ALG2: variants seen among roughly 807,000 people sequenced by gnomAD.
The protein encoded by ALG2 is ALG2 alpha-1,3/1,6-mannosyltransferase, also known as alpha-1,3/1,6-mannosyltransferase ALG2.
In ALG2, 32 loss-of-function variants were observed where a neutral mutation model predicts 30.5. The ratio of observed to expected loss-of-function variants is 1.05; its 90% CI spans 0.79 to 1.41. The LOEUF is 1.41. Among genes scored for constraint, ALG2 ranks in the 40% most tolerant of loss-of-function variants. The probability of loss-of-function intolerance (pLI) is 0.00; values close to 1 mark genes in which losing one functional copy is unlikely to be tolerated. For missense variants in ALG2, 574 were observed against 526.4 expected (o/e 1.09, Z -0.88); for synonymous variants, 253 against 224.8 (o/e 1.13, Z -1.12).
Position 99,218,412 on chromosome 9 carries a change from T to C in ALG2, c.773A>G (p.Asp258Gly), listed in dbSNP as rs763261820. ...VQLRGRLTSQ[D>G]WERVHLIVAG... ...CACGATCAGATGAACCCTCTCCCAA[T>C]CTTGGGATGTCAATCTTCCACGCAG... The change falls in exon 2 of 2, where the codon GAT becomes GGT. Residue 258 changes from aspartate to glycine, a missense_variant. By Grantham distance (94) the Asp-to-Gly change is moderately conservative (BLOSUM62 -1). Coordinates refer to ENST00000476832, the MANE Select transcript of ALG2 (RefSeq NM_033087.4). The C allele has an allele frequency of 6.2e-6, 10 of 1,614,216 alleles. No individual in the cohort carries two copies. In the East Asian group the frequency reaches 2.2e-4, roughly 36 times the overall value.
Position 99,216,856 on chromosome 9 carries a change from G to C in ALG2, c.*1078C>G, listed in dbSNP as rs1449629079. ...CTCTCAAGTCTAGCTCTTAAGAGTT[G>C]ATAAATGTGGAGCCTTTGGCTAGTA... On this transcript the variant is annotated 3_prime_UTR_variant, in exon 2 of 2. Transcript: ENST00000476832. 2 of 454,124 alleles carry C rather than the reference G, an allele frequency of 4.4e-6. No individual in the cohort carries two copies. Among genetic ancestry groups the C allele is most frequent in the East Asian group, 1.4e-4 (2 of 14,394 alleles). 28.1% of individuals were successfully genotyped at this position (454,124 alleles called of 1,614,324 possible).
chr9:99,216,562 G>A lies in ALG2; in HGVS notation c.*1372C>T, dbSNP rs1192725157. 2.2e-6 allele frequency: 1 copy of A among 454,074 alleles called. No individual in the cohort carries two copies. The highest frequency in any genetic ancestry group is 2.3e-5 in the Admixed American group (1 of 42,580). The allele number at this position is 454,074 out of a possible 1,614,324, so 28.1% of individuals were successfully genotyped here. A position where few individuals can be genotyped will look rare whatever the true frequency, so the allele number is the denominator to read the frequency against. The stretch of plus-strand genomic sequence containing the variant: ...AGATGCACATGATAAACTGTAAAAT[G>A]GAATTTCACCCATTGAAGAGCCCCA... On this transcript the variant is annotated 3_prime_UTR_variant, in exon 2 of 2. Coordinates refer to ENST00000476832, the MANE Select transcript of ALG2 (RefSeq NM_033087.4).
rs1313981761 is a variant in ALG2, at chr9:99,216,897, G to A, written c.*1037C>T. 8.8e-6 allele frequency: 4 copies of A among 453,956 alleles called. No homozygotes were observed. Among genetic ancestry groups the A allele is most frequent in the Admixed American group, 7.0e-5 (3 of 42,558 alleles). The allele number at this position is 453,956 out of a possible 1,614,324, so 28.1% of individuals were successfully genotyped here. A position where few individuals can be genotyped will look rare whatever the true frequency, so the allele number is the denominator to read the frequency against. On this transcript the variant is annotated 3_prime_UTR_variant, in exon 2 of 2. Coordinates refer to ENST00000476832, the MANE Select transcript of ALG2 (RefSeq NM_033087.4). Reference sequence around the variant, plus strand: ...TTGGCTAGTAAGCTTTGCTACTTCTGGAAATGAATTTAGCCTTAGAAGTAT... The same window carrying A: ...TTGGCTAGTAAGCTTTGCTACTTCTAGAAATGAATTTAGCCTTAGAAGTAT...
rs774607653 is a variant in ALG2, at chr9:99,221,798, C to G, written c.97G>C (p.Val33Leu). Residue 33 changes from valine (V) to leucine (L), a missense_variant, in exon 1 of 2, where the codon GTG (valine) becomes CTG (leucine). Physicochemically the swap from Val to Leu is conservative, Grantham distance 32. Coordinates refer to ENST00000476832, the MANE Select transcript of ALG2 (RefSeq NM_033087.4). The stretch of plus-strand genomic sequence containing the variant: ...TGCAGCGCCAGCGCCGCGTCCAACA[C>G]CAGCCGCTCAGCGCCGCCCACGCCC... The part of the protein sequence containing the change: ...DLGVGGAERL[V>L]LDAALALQAR... 8.8e-6 allele frequency: 14 copies of G among 1,598,124 alleles called. No individual in the cohort carries two copies. In the African/African-American group the frequency reaches 1.9e-4, roughly 21 times the overall value.
chr9:99,220,954 G>A (rs1564220706), intron 1 of ALG2: 2 of 1,351,310 alleles, frequency 1.5e-6, no homozygotes, highest in Non-Finnish European at 2.0e-6. Context: ...TAGCTACAGG[G>A]CAGATCCAGG....
At chr9:99,220,800 G>A (rs1019953864) in intron 1 of ALG2, among the ~76,000 whole-genome samples, 2 of 152,128 alleles carry the variant, frequency 1.3e-5, no homozygotes. Flanking sequence ...GAAACTTAAC[G>A]GTGGCTATCT....
Position 99,217,740 on chromosome 9 carries a change from T to C in ALG2, c.*194A>G, listed in dbSNP as rs1174174673. The C allele has an allele frequency of 4.2e-6, 3 of 713,732 alleles. No homozygotes were observed. The highest frequency in any genetic ancestry group is 7.5e-6 in the Non-Finnish European group (3 of 401,148). The allele number at this position is 713,732 out of a possible 1,614,324, so 44.2% of individuals were successfully genotyped here. On this transcript the variant is annotated 3_prime_UTR_variant, in exon 2 of 2. Coordinates refer to ENST00000476832, the MANE Select transcript of ALG2 (RefSeq NM_033087.4). ...ACACTGGCAAAATTTGGAATGATTA[T>C]AGCATAAAAGACATGGTTTTTCTGA... is the stretch of plus-strand genomic sequence containing the variant.
chr9:99,221,786 C>T lies in ALG2; in HGVS notation c.109G>A (p.Ala37Thr), dbSNP rs2119008605. The T allele has an allele frequency of 6.3e-7, 1 of 1,598,294 alleles. No individual in the cohort carries two copies. Among genetic ancestry groups the T allele is most frequent in the African/African-American group, 1.3e-5 (1 of 75,030 alleles). Residue 37 changes from alanine to threonine, a missense_variant, in exon 1 of 2, where the codon GCG becomes ACG. By Grantham distance (58) the Ala-to-Thr change is moderately conservative. Transcript: ENST00000476832. ...GGAERLVLDA[A>T]LALQARGCSV... ...CACCCGCGCGCCTGCAGCGCCAGCGCCGCGTCCAACACCAGCCGCTCAGCG... is the reference window on the plus strand; with the variant it reads ...CACCCGCGCGCCTGCAGCGCCAGCGTCGCGTCCAACACCAGCCGCTCAGCG...
chr9:99,218,184 G>A lies in ALG2; in HGVS notation c.1001C>T (p.Ala334Val). ...NEHFGIVPLE[A>V]MYMQCPVIAV... ...AATGACTGGGCACTGCATGTACATG[G>A]CTTCCAGAGGGACAATGCCAAAGTG... Residue 334 changes from alanine (A) to valine (V), a missense_variant, in exon 2 of 2, where the codon GCC becomes GTC. Physicochemically the swap from Ala to Val is moderately conservative, Grantham distance 64 (BLOSUM62 0). Transcript: ENST00000476832. 1 of 1,613,524 alleles carries A rather than the reference G, an allele frequency of 6.2e-7. No homozygotes were observed. Among genetic ancestry groups the A allele is most frequent in the Non-Finnish European group, 8.5e-7 (1 of 1,179,452 alleles).
chr9:99,221,174 G>A (rs775372574), intron 1 of ALG2: 2 of 1,379,890 alleles, frequency 1.4e-6, no homozygotes, highest in East Asian at 3.7e-5. Context: ...AGGTAAGCGG[G>A]AAGACAACAC....
At chr9:99,220,742 T>C (rs1445510116) in intron 1 of ALG2, among the ~76,000 whole-genome samples, 1 of 152,204 alleles carries the variant, frequency 6.6e-6, no homozygotes, top group Non-Finnish European at 1.5e-5. Context: ...GATATACCTA[T>C]GAAAAGACAC....
intron 1 of ALG2, chr9:99,220,915 G>GA: frequency 7.6e-7 from 1 of 1,310,304 alleles, no homozygotes; most frequent in Non-Finnish European, 1.0e-6. Flanking sequence ...TTAGGATGGG[G>GA]AAAAATGCAC....
chr9:99,221,617 C>T lies in ALG2; in HGVS notation c.278G>A (p.Arg93His). 1 of 1,541,566 alleles carries T rather than the reference C, an allele frequency of 6.5e-7. No homozygotes were observed. Reference sequence around the variant, plus strand: ...CACGTAGAGCGCCAGGAAAACCATGCGCACGTAGGCGCAGACGGCGGCGCC... The same window carrying T: ...CACGTAGAGCGCCAGGAAAACCATGTGCACGTAGGCGCAGACGGCGGCGCC... Reference protein sequence around the residue: ...GRGAAVCAYVRMVFLALYVLF... With the variant: ...GRGAAVCAYVHMVFLALYVLF... The change falls in exon 1 of 2, where the codon CGC (arginine) becomes CAC (histidine). Residue 93 changes from arginine (R) to histidine (H), a missense_variant. Arg to His is a conservative substitution (Grantham distance 29). Coordinates refer to ENST00000476832, the MANE Select transcript of ALG2 (RefSeq NM_033087.4).
In ALG2 at chr9:99,216,975, C is replaced by G; in HGVS notation, c.*959G>C. On this transcript the variant is annotated 3_prime_UTR_variant, in exon 2 of 2. Coordinates refer to ENST00000476832, the MANE Select transcript of ALG2 (RefSeq NM_033087.4). ...GTTAGACCAACAGGTAAACAGTGAA[C>G]TATAAGTCAGTGTCACGAAAATATC... 2 of 454,072 alleles carry G rather than the reference C, an allele frequency of 4.4e-6. No homozygotes were observed. The highest frequency in any genetic ancestry group is 8.8e-6 in the Non-Finnish European group (2 of 226,790). The allele number at this position is 454,072 out of a possible 1,614,324, so 28.1% of individuals were successfully genotyped here.
Position 99,221,662 on chromosome 9 carries a change from C to T in ALG2, c.233G>A (p.Gly78Asp), listed in dbSNP as rs934545988. 9 of 1,548,922 alleles carry T rather than the reference C, an allele frequency of 5.8e-6. No individual in the cohort carries two copies. In the African/African-American group the frequency reaches 6.8e-5, roughly 12 times the overall value. Residue 78 changes from glycine to aspartate, a missense_variant, in exon 1 of 2, where the codon GGC becomes GAC. Coordinates refer to ENST00000476832, the MANE Select transcript of ALG2 (RefSeq NM_033087.4). ...VRCAGDWLPR[G>D]LGWGGRGAAV... is the part of the protein sequence containing the mutation. Reference sequence around the variant, plus strand: ...GGCGCCGCGGCCGCCCCAGCCCAGGCCTCGCGGCAGCCAGTCCCCGGCACA... The same window carrying T: ...GGCGCCGCGGCCGCCCCAGCCCAGGTCTCGCGGCAGCCAGTCCCCGGCACA...
intron 1 of ALG2, among the ~76,000 whole-genome samples, chr9:99,220,115 T>C (rs538636320): frequency 2.0e-5 from 3 of 152,302 alleles, no homozygotes; most frequent in Middle Eastern, 3.4e-3. Flanking sequence ...GTAGGCAAAC[T>C]TGGCAGTAGC....
Position 99,218,304 on chromosome 9 carries a change from C to T in ALG2, c.881G>A (p.Gly294Asp), listed in dbSNP as rs1828731086. ...LKKMVQQSDL[G>D]QYVTFLRSFS... ...AGACCTCAAGAAGGTCACATACTGG[C>T]CAAGGTCGGACTGTTGGACCATTTT... Residue 294 changes from glycine (G) to aspartate (D), a missense_variant, in exon 2 of 2, where the codon GGC (glycine) becomes GAC (aspartate). Coordinates refer to ENST00000476832, the MANE Select transcript of ALG2 (RefSeq NM_033087.4). 1.2e-6 allele frequency: 2 copies of T among 1,614,104 alleles called. No homozygotes were observed.
At chr9:99,219,882 T>C (rs1303156463) in intron 1 of ALG2, among the ~76,000 whole-genome samples, 1 of 152,200 alleles carries the variant, frequency 6.6e-6, no homozygotes, top group Non-Finnish European at 1.5e-5. Context: ...TGCAGGATGT[T>C]TGGTAAATGT....
chr9:99,218,310 T>G lies in ALG2; in HGVS notation c.875A>C (p.Asp292Ala). ...CAAGAAGGTCACATACTGGCCAAGGTCGGACTGTTGGACCATTTTCTTCAA... is the reference window on the plus strand; with the variant it reads ...CAAGAAGGTCACATACTGGCCAAGGGCGGACTGTTGGACCATTTTCTTCAA... ...QELKKMVQQS[D>A]LGQYVTFLRS... The change falls in exon 2 of 2, where the codon GAC becomes GCC. Residue 292 changes from aspartate to alanine, a missense_variant. By Grantham distance (126) the Asp-to-Ala change is moderately radical. Coordinates refer to ENST00000476832, the MANE Select transcript of ALG2 (RefSeq NM_033087.4). The G allele has an allele frequency of 5.0e-6, 8 of 1,614,220 alleles. No individual in the cohort carries two copies. Among genetic ancestry groups the G allele is most frequent in the Non-Finnish European group, 6.8e-6 (8 of 1,180,034 alleles).
Sources: gnomAD v4.1 joint callset for allele counts (sites outside exome capture counted in the v4.1 genomes callset) on GRCh38, gnomAD v4.1.1 for gene constraint, MANE v1.5 for transcripts, NCBI Gene and HGNC (gene_info 2026-07-23, HGNC 2026-07-21) for gene names.